Variants in NDUFAF7 observed in about 807,000 individuals in gnomAD.
NDUFAF7 encodes NADH:ubiquinone oxidoreductase complex assembly factor 7, also known as protein arginine methyltransferase NDUFAF7, mitochondrial.
NDUFAF7 carries 48 observed loss-of-function variants against 47.2 expected under a neutral mutation model. The observed-to-expected ratio is 1.02, with a 90% CI of 0.81 to 1.29. NDUFAF7 has a LOEUF of 1.29. NDUFAF7 is among the 50% of genes most tolerant of loss of function. NDUFAF7 has a pLI of 0.00. For synonymous variants in NDUFAF7, 217 were observed against 190.0 expected, an observed-to-expected ratio of 1.14 and a Z score of -1.17; for missense variants, 635 against 537.6, an observed-to-expected ratio of 1.18 and a Z score of -1.79.
chr2:37,255,368 C>T (rs575500482), downstream of NDUFAF7, among the ~76,000 whole-genome samples: 1 of 152,138 alleles, frequency 6.6e-6, no homozygotes, highest in Non-Finnish European at 1.5e-5. Flanking sequence ...GGGGTATTCC[C>T]CAGCACTGGT....
chr2:37,231,677 G>A lies in NDUFAF7; in HGVS notation c.-29G>A. 6.2e-7 allele frequency: 1 copy of A among 1,614,178 alleles called. No individual in the cohort carries two copies. The highest frequency in any genetic ancestry group is 8.5e-7 in the Non-Finnish European group (1 of 1,180,004). On this transcript the variant is annotated 5_prime_UTR_variant, in exon 1 of 10. Coordinates refer to ENST00000002125, the MANE Select transcript of NDUFAF7 (RefSeq NM_144736.5). Reference sequence around the variant, plus strand: ...GAAATGGTCTAAGCCCCAGCTCCTGGCGGAGCGAGCTAGCCTGCGAATTTC... The same window carrying A: ...GAAATGGTCTAAGCCCCAGCTCCTGACGGAGCGAGCTAGCCTGCGAATTTC...
intron 4 of NDUFAF7, 101 bp from the exon 5 acceptor site, chr2:37,241,477 A>T: frequency 1.0e-6 from 1 of 994,228 alleles, no homozygotes; most frequent in South Asian, 1.4e-5. Context: ...TCTCTGAAAT[A>T]TTACCTCTAT....
downstream of NDUFAF7, among the ~76,000 whole-genome samples, chr2:37,249,584 CACACACACACACACACACAGAG>C (rs1558510572): frequency 2.1e-5 from 3 of 140,012 alleles, no homozygotes; most frequent in African/African-American, 8.0e-5. Flanking sequence ...CACACACACA[CACACACACACACACACACAGAG>C]GGGAGATCGC....
intron 2 of NDUFAF7, among the ~76,000 whole-genome samples, chr2:37,232,799 C>G (rs926437567): frequency 2.0e-5 from 3 of 152,168 alleles, no homozygotes; most frequent in South Asian, 4.1e-4. Flanking sequence ...CTTCACTGTT[C>G]TAGGATTAGG....
At chr2:37,247,387 T>C in intron 8 of NDUFAF7, 69 bp from the exon 9 acceptor site, 3 of 1,545,254 alleles carry the variant, frequency 1.9e-6, no homozygotes, top group South Asian at 1.1e-5. Flanking sequence ...TAAATAACTT[T>C]AATATGATAG....
chr2:37,234,630 G>A (rs533528416), intron 2 of NDUFAF7, among the ~76,000 whole-genome samples: 2 of 152,208 alleles, frequency 1.3e-5, no homozygotes, highest in East Asian at 3.9e-4. Context: ...TGTGTGGATT[G>A]AAAAAATGTT....
At chr2:37,266,264 A>C in the NDUFAF7 span, among the ~76,000 whole-genome samples, 1 of 152,208 alleles carries the variant, frequency 6.6e-6, no homozygotes, top group Admixed American at 6.5e-5. Flanking sequence ...AAGGAAACTC[A>C]AGTTCAGAAG....
downstream of NDUFAF7, among the ~76,000 whole-genome samples, chr2:37,258,289 C>T (rs1393526581): frequency 6.6e-6 from 1 of 152,206 alleles, no homozygotes; most frequent in African/African-American, 2.4e-5. Flanking sequence ...AAAATCATTA[C>T]TGAATCTGGC....
chr2:37,259,696 G>T, the NDUFAF7 span: 2 of 1,571,634 alleles, frequency 1.3e-6, no homozygotes, highest in Admixed American at 1.7e-5. Context: ...TATGAAAAAA[G>T]ATTTTCTTTT....
Position 37,247,635 on chromosome 2 carries a change from GTTTAT to G in NDUFAF7, c.1110+14_1110+18del, listed in dbSNP as rs773620245. On this transcript the variant is annotated splice_region_variant and intron_variant, in intron 9 of 9. Coordinates refer to ENST00000002125, the MANE Select transcript of NDUFAF7 (RefSeq NM_144736.5). ...GTATTGATGTCCGGCTGAAGGTAAGGTTTATTTTATTTCACTGTTATTAAGTACTT... is the reference window on the plus strand; with the variant it reads ...GTATTGATGTCCGGCTGAAGGTAAGGTTTATTTCACTGTTATTAAGTACTT... 3.1e-4 allele frequency: 507 copies of G among 1,613,384 alleles called. 1 individual carries two copies. Among genetic ancestry groups the G allele is most frequent in the Non-Finnish European group, 4.1e-4 (489 of 1,179,698 alleles).
the NDUFAF7 span, chr2:37,268,067 T>C: frequency 3.3e-4 from 65 of 195,928 alleles, no homozygotes; most frequent in South Asian, 5.1e-3. Flanking sequence ...ATTTATTAAT[T>C]CAAATTAACT....
At chr2:37,260,426 A>C in the NDUFAF7 span, 1 of 1,541,846 alleles carries the variant, frequency 6.5e-7, no homozygotes, top group Non-Finnish European at 9.0e-7. Flanking sequence ...TTAAGCAGAG[A>C]AACAGTTTTA....
chr2:37,244,015 A>T (rs776321399), intron 7 of NDUFAF7, 42 bp downstream of exon 7: 1 of 1,456,634 alleles, frequency 6.9e-7, no homozygotes, highest in Non-Finnish European at 9.5e-7. Context: ...TGCTCACAGA[A>T]TCTTCAAAGT....
chr2:37,263,250 T>G, the NDUFAF7 span, among the ~76,000 whole-genome samples: 4 of 152,206 alleles, frequency 2.6e-5, no homozygotes, highest in Non-Finnish European at 4.4e-5. Flanking sequence ...TTCTGAAATT[T>G]TGATTTCGCT....
chr2:37,270,005 A>AT, the NDUFAF7 span, among the ~76,000 whole-genome samples: 2 of 152,184 alleles, frequency 1.3e-5, no homozygotes, highest in Non-Finnish European at 2.9e-5. Context: ...AGGCAGGTGG[A>AT]TCACCTGAGG....
the NDUFAF7 span, among the ~76,000 whole-genome samples, chr2:37,267,015 C>T: frequency 0.023 from 3,454 of 152,150 alleles, 59 homozygotes; most frequent in South Asian, 0.041. Context: ...AAATACGCCC[C>T]AATCGACTAA....
At chr2:37,253,124 C>A, downstream of NDUFAF7, 2 of 1,507,062 alleles carry the variant, frequency 1.3e-6, no homozygotes, top group South Asian at 1.3e-5. Context: ...AGTTACACAG[C>A]AAAATATCAG....
chr2:37,266,489 C>CTTT, the NDUFAF7 span, among the ~76,000 whole-genome samples: 1 of 129,864 alleles, frequency 7.7e-6, no homozygotes, highest in East Asian at 2.2e-4. Flanking sequence ...CCACACCCGG[C>CTTT]TTTTTTTTTT....
chr2:37,235,062 T>C (rs188059425), intron 2 of NDUFAF7, among the ~76,000 whole-genome samples: 1 of 152,284 alleles, frequency 6.6e-6, no homozygotes, highest in Admixed American at 6.5e-5. Context: ...AACTATACTT[T>C]GTGGTGAAGA....
Sources: allele counts gnomAD v4.1 joint callset (sites outside exome capture counted in the v4.1 genomes callset), GRCh38; gene constraint gnomAD v4.1.1; transcripts MANE v1.5; gene names NCBI Gene and HGNC (gene_info 2026-07-23, HGNC 2026-07-21).